PLCB4: variants seen among roughly 807,000 people sequenced by gnomAD.
PLCB4 encodes the protein 1-phosphatidylinositol 4,5-bisphosphate phosphodiesterase beta-4.
Under a neutral mutation model 178.8 loss-of-function variants are expected in PLCB4, and 77 were observed. That is an observed-to-expected ratio of 0.43 (90% CI 0.36 to 0.52). The LOEUF (loss-of-function observed/expected upper bound fraction) is 0.52, where lower values mean the gene tolerates loss of function less well. Ranked by LOEUF, PLCB4 falls within the 20% of genes least tolerant of loss-of-function variation. The probability of loss-of-function intolerance (pLI) is 0.00; values close to 1 mark genes in which losing one functional copy is unlikely to be tolerated. For missense variants in PLCB4, 1,024 were observed against 1,453.4 expected (o/e 0.70, Z 4.80); for synonymous variants, 496 against 490.8 (o/e 1.01, Z -0.14).
At chr20:9,323,435 C>A (rs999341214) in intron 4 of PLCB4, among the ~76,000 whole-genome samples, 3 of 152,214 alleles carry the variant, frequency 2.0e-5, no homozygotes, top group African/African-American at 4.8e-5. Context: ...TTGTTTCCTG[C>A]TGTATCCCCA....
At chr20:9,152,863 G>T (rs919846050) in intron 2 of PLCB4, among the ~76,000 whole-genome samples, 1 of 152,134 alleles carries the variant, frequency 6.6e-6, no homozygotes, top group Admixed American at 6.5e-5. Flanking sequence ...GAGGGAGGCT[G>T]TACCCTGCAA....
At chr20:9,141,574 T>C (rs1438872307) in intron 2 of PLCB4, among the ~76,000 whole-genome samples, 1 of 152,152 alleles carries the variant, frequency 6.6e-6, no homozygotes, top group Admixed American at 6.6e-5. Context: ...TTGTTTAAGT[T>C]CACTTAATTT....
chr20:9,259,343 A>C (rs1019958868), intron 3 of PLCB4, among the ~76,000 whole-genome samples: 1 of 152,226 alleles, frequency 6.6e-6, no homozygotes, highest in African/African-American at 2.4e-5. Flanking sequence ...CAATTTTAAA[A>C]ACGTGTAAAA....
At chr20:9,215,480 T>C (rs763516990) in intron 2 of PLCB4, among the ~76,000 whole-genome samples, 12 of 152,162 alleles carry the variant, frequency 7.9e-5, no homozygotes, top group Admixed American at 3.9e-4. Flanking sequence ...TAAATGATGA[T>C]TCAATCCATG....
intron 2 of PLCB4, among the ~76,000 whole-genome samples, chr20:9,196,729 G>T (rs994754168): frequency 6.6e-6 from 1 of 152,162 alleles, no homozygotes; most frequent in African/African-American, 2.4e-5. Context: ...GCTTTCATGA[G>T]GGTAATAAGG....
intron 2 of PLCB4, among the ~76,000 whole-genome samples, chr20:9,107,198 G>A (rs1029399686): frequency 7.2e-5 from 11 of 152,036 alleles, no homozygotes; most frequent in Non-Finnish European, 4.4e-5. Context: ...TTATTTACTC[G>A]TTCAACAATT....
chr20:9,223,542 C>T (rs1388981774), intron 3 of PLCB4, among the ~76,000 whole-genome samples: 3 of 152,180 alleles, frequency 2.0e-5, no homozygotes, highest in Admixed American at 2.0e-4. Context: ...GCTGGTATGG[C>T]TCAGCGTTTC....
At chr20:9,274,490 A>T (rs1372623389) in intron 3 of PLCB4, among the ~76,000 whole-genome samples, 1 of 152,092 alleles carries the variant, frequency 6.6e-6, no homozygotes, top group Non-Finnish European at 1.5e-5. Flanking sequence ...TACCCCCCAA[A>T]TTATCAGATT....
intron 2 of PLCB4, among the ~76,000 whole-genome samples, chr20:9,144,037 T>A (rs1358608953): frequency 1.3e-5 from 2 of 152,178 alleles, no homozygotes; most frequent in African/African-American, 4.8e-5. Context: ...GAGCATTTCC[T>A]TGAGAAGTCT....
intron 3 of PLCB4, among the ~76,000 whole-genome samples, chr20:9,221,779 A>G (rs982587633): frequency 6.6e-6 from 1 of 152,130 alleles, no homozygotes; most frequent in African/African-American, 2.4e-5. Context: ...CCTTAGTAAA[A>G]TCATGGATAA....
intron 3 of PLCB4, among the ~76,000 whole-genome samples, chr20:9,255,400 T>C (rs912015225): frequency 2.0e-5 from 3 of 152,200 alleles, no homozygotes; most frequent in African/African-American, 7.2e-5. Flanking sequence ...ATTAAAGAAC[T>C]AGCCATTGAG....
At chr20:9,164,599 G>A (rs902612706) in intron 2 of PLCB4, among the ~76,000 whole-genome samples, 6 of 152,112 alleles carry the variant, frequency 3.9e-5, no homozygotes, top group African/African-American at 1.2e-4. Flanking sequence ...CATTAGAAGA[G>A]TATAACTCAG....
chr20:9,155,741 C>T (rs2092776197), intron 2 of PLCB4, among the ~76,000 whole-genome samples: 1 of 152,158 alleles, frequency 6.6e-6, no homozygotes, highest in African/African-American at 2.4e-5. Flanking sequence ...CCTGATCTCA[C>T]TTGATGTTTT....
chr20:9,417,877 T>A (rs1371493000), intron 25 of PLCB4, among the ~76,000 whole-genome samples: 2 of 152,196 alleles, frequency 1.3e-5, no homozygotes, highest in Non-Finnish European at 2.9e-5. Flanking sequence ...GTTATCTGAC[T>A]CATTAATTAC....
chr20:9,302,169 C>A (rs2094712674), intron 3 of PLCB4, among the ~76,000 whole-genome samples: 1 of 151,400 alleles, frequency 6.6e-6, no homozygotes, highest in South Asian at 2.1e-4. Context: ...ACAATCAAAG[C>A]CTTTTTTTTT....
chr20:9,308,662 G>A (rs993543120), intron 4 of PLCB4, among the ~76,000 whole-genome samples: 13 of 152,108 alleles, frequency 8.5e-5, no homozygotes, highest in Non-Finnish European at 1.3e-4. Flanking sequence ...TGGCTAATTC[G>A]CTGATCTTCC....
At chr20:9,104,080 A>C (rs951914153) in intron 2 of PLCB4, among the ~76,000 whole-genome samples, 4 of 152,160 alleles carry the variant, frequency 2.6e-5, no homozygotes, top group Non-Finnish European at 5.9e-5. Context: ...TAGCAGAGAA[A>C]GCTCATCTCT....
At chr20:9,219,541 G>A (rs1199393977) in intron 3 of PLCB4, among the ~76,000 whole-genome samples, 2 of 152,092 alleles carry the variant, frequency 1.3e-5, no homozygotes, top group Admixed American at 6.5e-5. Context: ...GTGTACTCTC[G>A]TTCTCACCCA....
chr20:9,345,069 A>G (rs2033654989), intron 7 of PLCB4, among the ~76,000 whole-genome samples: 1 of 152,156 alleles, frequency 6.6e-6, no homozygotes. Context: ...GATGCCTGTA[A>G]TCCCAGCTAC....
Sources: allele counts gnomAD v4.1 joint callset (sites outside exome capture counted in the v4.1 genomes callset), GRCh38; gene constraint gnomAD v4.1.1; transcripts MANE v1.5; gene names NCBI Gene and HGNC (gene_info 2026-07-23, HGNC 2026-07-21).